FSTL3: variants seen among roughly 807,000 people sequenced by gnomAD.
FSTL3 encodes the protein follistatin-related protein 3.
FSTL3 carries 21 observed loss-of-function variants against 28.1 expected under a neutral mutation model. That is an observed-to-expected ratio of 0.75 (90% CI 0.53 to 1.08). FSTL3 has a LOEUF of 1.08. Among genes scored for constraint, FSTL3 ranks in the 50% least tolerant of loss-of-function variants. The pLI is 0.00. For synonymous variants in FSTL3, 199 were observed against 164.2 expected, an observed-to-expected ratio of 1.21 and a Z score of -1.62; for missense variants, 400 against 380.9, an observed-to-expected ratio of 1.05 and a Z score of -0.42.
In FSTL3 at chr19:680,373, C is replaced by T. The variant is rs1304941176; in HGVS notation, c.389C>T (p.Ala130Val). Residue 130 changes from alanine (A) to valine (V), a missense_variant, in exon 3 of 5, where the codon GCG becomes GTG. Ala to Val is a moderately conservative substitution (Grantham distance 64). Coordinates refer to ENST00000166139, the MANE Select transcript of FSTL3 (RefSeq NM_005860.3). ...ECAPDCSGLP[A>V]RLQVCGSDGA... Reference sequence around the variant, plus strand: ...GCGCCCGACTGCTCGGGGCTCCCGGCGCGGCTGCAGGTCTGCGGCTCAGAC... The same window carrying T: ...GCGCCCGACTGCTCGGGGCTCCCGGTGCGGCTGCAGGTCTGCGGCTCAGAC... 1 of 1,281,948 alleles carries T rather than the reference C, an allele frequency of 7.8e-7. No individual in the cohort carries two copies. Among genetic ancestry groups the T allele is most frequent in the East Asian group, 3.2e-5 (1 of 31,602 alleles). The allele number at this position is 1,281,948 out of a possible 1,614,324, so 79.4% of individuals were successfully genotyped here. A position where few individuals can be genotyped will look rare whatever the true frequency, so the allele number is the denominator to read the frequency against.
intron 3 of FSTL3, chr19:680,892 G>A (rs927658227): frequency 1.2e-5 from 3 of 243,872 alleles, no homozygotes; most frequent in Non-Finnish European, 2.4e-5. Context: ...ATGTGGCATG[G>A]TCAGAGCGGG....
intron 2 of FSTL3, among the ~76,000 whole-genome samples, chr19:679,418 CTG>C (rs1244257181): frequency 6.6e-5 from 10 of 152,288 alleles, no homozygotes; most frequent in African/African-American, 2.4e-4. Context: ...CACAGAGAAA[CTG>C]AGGCTGGCAC....
At chr19:678,847 C>G (rs941080225) in intron 2 of FSTL3, among the ~76,000 whole-genome samples, 2 of 151,990 alleles carry the variant, frequency 1.3e-5, no homozygotes, top group Admixed American at 6.6e-5. Context: ...GGCATTAGAG[C>G]TGGGGTGTTG....
intron 2 of FSTL3, 99 bp downstream of exon 2, chr19:678,076 T>C (rs1187284558): frequency 2.6e-6 from 3 of 1,164,172 alleles, no homozygotes; most frequent in Non-Finnish European, 3.7e-6. Flanking sequence ...ACTGAGCCCG[T>C]CACAGGGGTA....
intron 2 of FSTL3, among the ~76,000 whole-genome samples, chr19:679,383 G>A (rs1414313948): frequency 6.6e-6 from 1 of 152,158 alleles, no homozygotes; most frequent in African/African-American, 2.4e-5. Flanking sequence ...TGGAAGTGGG[G>A]CTCCCTCGTC....
rs1014291909 is a variant in FSTL3, at chr19:682,728, C to G, written c.*1020C>G. On this transcript the variant is annotated 3_prime_UTR_variant, in exon 5 of 5. Coordinates refer to ENST00000166139, the MANE Select transcript of FSTL3 (RefSeq NM_005860.3). ...TGAGGCAACGTCGCGTGGTCTCAGA[C>G]GTGGAGCAGCCAGCGGCAGCTCAGA... 1 of 233,320 alleles carries G rather than the reference C, an allele frequency of 4.3e-6. No homozygotes were observed. 14.5% of individuals were successfully genotyped at this position (233,320 alleles called of 1,614,324 possible). A position where few individuals can be genotyped will look rare whatever the true frequency, so the allele number is the denominator to read the frequency against.
intron 3 of FSTL3, chr19:680,708 C>T (rs1346695719): frequency 1.6e-5 from 6 of 365,830 alleles, no homozygotes; most frequent in Non-Finnish European, 2.9e-5. Flanking sequence ...GGCGGGGCCG[C>T]TGCCGCAGTG....
intron 1 of FSTL3, 35 bp downstream of exon 1, chr19:676,561 G>A: frequency 2.6e-6 from 1 of 388,588 alleles, no homozygotes; most frequent in Non-Finnish European, 3.7e-6. Flanking sequence ...GGCGGGGCGG[G>A]CCACCCACGT....
rs1465078962 is a variant in FSTL3 at position 676,411 on chromosome 19, C to G, written c.-13C>G. On this transcript the variant is annotated 5_prime_UTR_variant, in exon 1 of 5. Transcript: ENST00000166139. ...GCTGGGAAGTCGGTGCCGCTGCCGT[C>G]TCTGCGTTCGCCATGCGTCCCGGGG... is the stretch of plus-strand genomic sequence containing the variant. 7 of 1,102,646 alleles carry G rather than the reference C, an allele frequency of 6.3e-6. No individual in the cohort carries two copies. In the African/African-American group the frequency reaches 1.2e-4, roughly 18 times the overall value. 68.3% of individuals were successfully genotyped at this position (1,102,646 alleles called of 1,614,324 possible). A position where few individuals can be genotyped will look rare whatever the true frequency, so the allele number is the denominator to read the frequency against.
chr19:680,119 C>T (rs1054122937), intron 2 of FSTL3, 155 bp from the exon 3 acceptor site: 7 of 363,850 alleles, frequency 1.9e-5, no homozygotes, highest in African/African-American at 1.3e-4. Context: ...CCCCTGGGAA[C>T]CCGAGGGCCC....
intron 2 of FSTL3, among the ~76,000 whole-genome samples, chr19:679,296 G>C (rs778508155): frequency 2.0e-5 from 3 of 152,162 alleles, no homozygotes; most frequent in African/African-American, 7.2e-5. Context: ...TGCCGGGGCC[G>C]CCCAGGTGCG....
In FSTL3 at chr19:681,483, T is replaced by G. The variant is rs1468939354; in HGVS notation, c.656T>G (p.Ile219Ser). The change falls in exon 4 of 5, where the codon ATC becomes AGC. Residue 219 changes from isoleucine (I) to serine (S), a missense_variant. By Grantham distance (142) the Ile-to-Ser change is moderately radical (BLOSUM62 -2). Coordinates refer to ENST00000166139, the MANE Select transcript of FSTL3 (RefSeq NM_005860.3). ...TGCGGCAACAACAACGTCACCTACATCTCCTCGTGCCACATGCGCCAGGCC... is the reference window on the plus strand; with the variant it reads ...TGCGGCAACAACAACGTCACCTACAGCTCCTCGTGCCACATGCGCCAGGCC... ...ELCGNNNVTYISSCHMRQATC... is the reference protein window; with the variant it reads ...ELCGNNNVTYSSSCHMRQATC... The G allele has an allele frequency of 2.5e-6, 4 of 1,602,934 alleles. No individual in the cohort carries two copies. The East Asian group carries it at 8.9e-5, about 36-fold the overall frequency.
In FSTL3 at chr19:677,820, G is replaced by C. The variant is rs772104841; in HGVS notation, c.132G>C (p.Gln44His). The change falls in exon 2 of 5, where the codon CAG becomes CAC. Residue 44 changes from glutamine to histidine, a missense_variant. By Grantham distance (24) the Gln-to-His change is conservative (BLOSUM62 0). Coordinates refer to ENST00000166139, the MANE Select transcript of FSTL3 (RefSeq NM_005860.3). ...PGGVCWLQQG[Q>H]EATCSLVLQT... ...GTGTTTGCTGGCTCCAGCAGGGCCA[G>C]GAGGCCACCTGCAGCCTGGTGCTCC... 6 of 1,611,298 alleles carry C rather than the reference G, an allele frequency of 3.7e-6. No individual in the cohort carries two copies. The South Asian group carries it at 5.5e-5, about 15-fold the overall frequency.
At chr19:677,327 GAGTA>G (rs2031235138) in intron 1 of FSTL3, among the ~76,000 whole-genome samples, 1 of 152,148 alleles carries the variant, frequency 6.6e-6, no homozygotes, top group Non-Finnish European at 1.5e-5. Flanking sequence ...AAGTTGGAGT[GAGTA>G]AGAGGCGGGC....
At chr19:680,816 G>A (rs976516615) in intron 3 of FSTL3, 4 of 272,800 alleles carry the variant, frequency 1.5e-5, no homozygotes, top group African/African-American at 2.2e-5. Context: ...TCACGGGGTA[G>A]GGTCTTTTGT....
Position 681,745 on chromosome 19 carries a change from C to A in FSTL3, c.*37C>A. 1 of 1,487,264 alleles carries A rather than the reference C, an allele frequency of 6.7e-7. No homozygotes were observed. The highest frequency in any genetic ancestry group is 9.2e-7 in the Non-Finnish European group (1 of 1,091,114). 92.1% of individuals were successfully genotyped at this position (1,487,264 alleles called of 1,614,324 possible). A position where few individuals can be genotyped will look rare whatever the true frequency, so the allele number is the denominator to read the frequency against. On this transcript the variant is annotated 3_prime_UTR_variant, in exon 5 of 5. Coordinates refer to ENST00000166139, the MANE Select transcript of FSTL3 (RefSeq NM_005860.3). ...AGGCCTGGGCCTGGTGCCCGAGGCC[C>A]CCCATCATCCCCTGTTATTTATTGC...
At position 676,461 on chromosome 19, in the gene FSTL3, C is replaced by T. The variant is rs1600656945; in HGVS notation, c.38C>T (p.Pro13Leu). The change falls in exon 1 of 5, where the codon CCC (proline) becomes CTC (leucine). Residue 13 changes from proline to leucine, a missense_variant. Pro to Leu is a moderately conservative substitution (Grantham distance 98, BLOSUM62 -3). Transcript: ENST00000166139. ...PGAPGPLWPLPWGALAWAVGF... is the reference protein window; with the variant it reads ...PGAPGPLWPLLWGALAWAVGF... Reference sequence around the variant, plus strand: ...GCGCCAGGGCCACTCTGGCCTCTGCCCTGGGGGGCCCTGGCTTGGGCCGTG... The same window carrying T: ...GCGCCAGGGCCACTCTGGCCTCTGCTCTGGGGGGCCCTGGCTTGGGCCGTG... 1.7e-6 allele frequency: 2 copies of T among 1,203,222 alleles called. No homozygotes were observed. Among genetic ancestry groups the T allele is most frequent in the South Asian group, 3.7e-5 (1 of 27,240 alleles). The allele number at this position is 1,203,222 out of a possible 1,614,324, so 74.5% of individuals were successfully genotyped here. A position where few individuals can be genotyped will look rare whatever the true frequency, so the allele number is the denominator to read the frequency against.
chr19:677,543 C>G (rs1034812809), intron 1 of FSTL3, among the ~76,000 whole-genome samples: 1 of 134,656 alleles, frequency 7.4e-6, no homozygotes, highest in Non-Finnish European at 1.6e-5. Context: ...GGGAAGGGAC[C>G]TCCTGGGGTG....
chr19:679,246 A>C (rs1600659215), intron 2 of FSTL3, among the ~76,000 whole-genome samples: 2 of 151,830 alleles, frequency 1.3e-5, no homozygotes, highest in Non-Finnish European at 2.9e-5. Context: ...CATAAAAGCC[A>C]CCCTGGCCGA....
Sources: allele counts gnomAD v4.1 joint callset (sites outside exome capture counted in the v4.1 genomes callset), GRCh38; gene constraint gnomAD v4.1.1; transcripts MANE v1.5; gene names NCBI Gene and HGNC (gene_info 2026-07-23, HGNC 2026-07-21).